The following SLC24A2 variants were observed in gnomAD, a reference collection of about 807,000 sequenced individuals.
SLC24A2 encodes solute carrier family 24 member 2.
SLC24A2 carries 36 observed loss-of-function variants against 62.0 expected under a neutral mutation model. The ratio of observed to expected loss-of-function variants is 0.58; its 90% confidence interval spans 0.44 to 0.77. The LOEUF (loss-of-function observed/expected upper bound fraction) is 0.77, where lower values mean the gene tolerates loss of function less well. Among genes scored for constraint, SLC24A2 ranks in the 30% least tolerant of loss-of-function variants. The probability of loss-of-function intolerance (pLI) is 0.00; values close to 1 mark genes in which losing one functional copy is unlikely to be tolerated. For synonymous variants in SLC24A2, 358 were observed against 294.0 expected (o/e 1.22, Z -2.23); for missense variants, 846 against 817.9 (o/e 1.03, Z -0.42).
chr9:20,130,205 T>C, the SLC24A2 span, among the ~76,000 whole-genome samples: 1 of 152,050 alleles, frequency 6.6e-6, no homozygotes, highest in African/African-American at 2.4e-5. Context: ...GTGACCATTG[T>C]CTTAGACACT....
the SLC24A2 span, among the ~76,000 whole-genome samples, chr9:19,795,285 G>T: frequency 7.0e-5 from 3 of 42,878 alleles, no homozygotes; most frequent in African/African-American, 1.1e-4. Context: ...CCCCACCCCC[G>T]GCCCAATGCC....
In SLC24A2 at chr9:19,622,024, G is replaced by A. The variant is rs375434670; in HGVS notation, c.969+237C>T. On this transcript the variant is annotated intron_variant, in intron 3 of 10. Coordinates refer to ENST00000341998, the MANE Select transcript of SLC24A2 (RefSeq NM_020344.4). ...ACTTCTACAAAAGTTCATACCAAAT[G>A]GAAGAGAAAATTCAAACTTTTGAAA... 6.6e-5 allele frequency among the ~76,000 whole-genome samples: 10 copies of A among 152,246 alleles called. No homozygotes were observed. In the South Asian group the frequency reaches 2.1e-3, roughly 32 times the overall value.
chr9:19,810,912 A>G, the SLC24A2 span, among the ~76,000 whole-genome samples: 2 of 152,240 alleles, frequency 1.3e-5, no homozygotes, highest in African/African-American at 4.8e-5. Context: ...ATTTTAAAAT[A>G]AAACATACTG....
the SLC24A2 span, among the ~76,000 whole-genome samples, chr9:20,182,791 G>T: frequency 6.6e-6 from 1 of 152,086 alleles, no homozygotes; most frequent in African/African-American, 2.4e-5. Flanking sequence ...ATACAAAAAA[G>T]AAGCATGGTA....
At chr9:20,200,527 G>C in the SLC24A2 span, among the ~76,000 whole-genome samples, 3 of 152,244 alleles carry the variant, frequency 2.0e-5, no homozygotes, top group African/African-American at 4.8e-5. Flanking sequence ...GTAACGGAAA[G>C]GGAAATCGAA....
the SLC24A2 span, among the ~76,000 whole-genome samples, chr9:20,243,150 C>A: frequency 6.6e-6 from 1 of 152,166 alleles, no homozygotes; most frequent in South Asian, 2.1e-4. Flanking sequence ...GTTTTTACTA[C>A]TCCTTTTATT....
chr9:20,091,956 C>G, the SLC24A2 span, among the ~76,000 whole-genome samples: 1 of 152,124 alleles, frequency 6.6e-6, no homozygotes, highest in Non-Finnish European at 1.5e-5. Context: ...ATGGATGGAG[C>G]TGGAGGACAT....
At chr9:20,004,777 G>A in the SLC24A2 span, among the ~76,000 whole-genome samples, 9 of 151,692 alleles carry the variant, frequency 5.9e-5, no homozygotes, top group African/African-American at 1.2e-4. Context: ...CTGCTTTTAT[G>A]AAGCATGCCC....
rs148790433 is a variant in SLC24A2, at chr9:19,553,955, C to T, written c.1348-3687G>A. ...TTCCCTCCAATCATGCCCCTTCCTT[C>T]TCCCCCACCCAAATTCATATGTTGA... is the stretch of plus-strand genomic sequence containing the variant. On this transcript the variant is annotated intron_variant, in intron 7 of 10. Transcript: ENST00000341998. Among the ~76,000 whole-genome samples the T allele has an allele frequency of 6.0e-4, 92 of 152,240 alleles. 1 individual carries two copies. The highest frequency in any genetic ancestry group is 2.1e-3 in the African/African-American group (87 of 41,542).
chr9:19,727,147 T>C (rs1198849652), intron 2 of SLC24A2, among the ~76,000 whole-genome samples: 2 of 152,214 alleles, frequency 1.3e-5, no homozygotes, highest in African/African-American at 4.8e-5. Flanking sequence ...CTACCATTCC[T>C]AGGTTCTTCC....
the SLC24A2 span, among the ~76,000 whole-genome samples, chr9:20,171,912 C>A: frequency 2.6e-5 from 4 of 151,804 alleles, no homozygotes; most frequent in Non-Finnish European, 4.4e-5. Context: ...CAGAATATAC[C>A]TTCTATTCAT....
chr9:19,617,868 T>G (rs1357236086), intron 4 of SLC24A2, among the ~76,000 whole-genome samples: 3 of 152,192 alleles, frequency 2.0e-5, no homozygotes, highest in African/African-American at 7.2e-5. Flanking sequence ...ATGGAACATA[T>G]GTCTAGGCAG....
chr9:19,680,754 A>C (rs1199999161), intron 2 of SLC24A2, among the ~76,000 whole-genome samples: 2 of 152,212 alleles, frequency 1.3e-5, no homozygotes, highest in Non-Finnish European at 2.9e-5. Context: ...TCAATTTCAC[A>C]ATGTTGAGAA....
Position 19,509,336 on chromosome 9 carries a change from T to C in SLC24A2, c.*6817A>G, listed in dbSNP as rs1217457836. Reference sequence around the variant, plus strand: ...GTTTTATTAAAGCACACATCTAAAATGTATAAGTAGATTAGGATTGCCTAG... The same window carrying C: ...GTTTTATTAAAGCACACATCTAAAACGTATAAGTAGATTAGGATTGCCTAG... On this transcript the variant is annotated 3_prime_UTR_variant, in exon 11 of 11. Coordinates refer to ENST00000341998, the MANE Select transcript of SLC24A2 (RefSeq NM_020344.4). The C allele has an allele frequency of 1.3e-5, 2 of 152,182 alleles. No individual in the cohort carries two copies. The highest frequency in any genetic ancestry group is 2.4e-5 in the African/African-American group (1 of 41,468). 9.4% of individuals were successfully genotyped at this position (152,182 alleles called of 1,614,324 possible). A position where few individuals can be genotyped will look rare whatever the true frequency, so the allele number is the denominator to read the frequency against.
chr9:19,767,051 G>C (rs1822537985), intron 2 of SLC24A2, among the ~76,000 whole-genome samples: 1 of 151,770 alleles, frequency 6.6e-6, no homozygotes, highest in South Asian at 2.1e-4. Flanking sequence ...GCTGTGGTGG[G>C]CTCCACCCAG....
chr9:20,112,225 A>G, the SLC24A2 span, among the ~76,000 whole-genome samples: 262 of 152,268 alleles, frequency 1.7e-3, 1 homozygote, highest in Middle Eastern at 0.01. Context: ...GCCTGAAGGA[A>G]AAAAAAGAAC....
the SLC24A2 span, among the ~76,000 whole-genome samples, chr9:19,997,094 C>A: frequency 6.6e-6 from 1 of 151,918 alleles, no homozygotes; most frequent in South Asian, 2.1e-4. Flanking sequence ...AGGCATGCTT[C>A]TTGAGAATAA....
intron 2 of SLC24A2, among the ~76,000 whole-genome samples, chr9:19,754,850 A>AC (rs1462412681): frequency 2.0e-5 from 3 of 152,054 alleles, no homozygotes; most frequent in African/African-American, 7.2e-5. Flanking sequence ...CTTCAGGCAG[A>AC]CCAGTTTTAC....
At chr9:19,576,358 A>G (rs922460977) in intron 6 of SLC24A2, among the ~76,000 whole-genome samples, 2 of 152,210 alleles carry the variant, frequency 1.3e-5, no homozygotes, top group Non-Finnish European at 1.5e-5. Context: ...GTCATACAGG[A>G]GCTCTGCAAA....
Sources: gnomAD v4.1 joint callset for allele counts (sites outside exome capture counted in the v4.1 genomes callset) on GRCh38, gnomAD v4.1.1 for gene constraint, MANE v1.5 for transcripts, NCBI Gene and HGNC (gene_info 2026-07-23, HGNC 2026-07-21) for gene names.